THSD7A: variants seen among roughly 807,000 people sequenced by gnomAD.
The protein encoded by THSD7A is thrombospondin type 1 domain containing 7A.
THSD7A carries 96 observed loss-of-function variants against 231.3 expected under a neutral mutation model. That is an observed-to-expected ratio of 0.41 (90% confidence interval 0.35 to 0.49). The LOEUF (loss-of-function observed/expected upper bound fraction) is 0.49. THSD7A is among the 20% of genes least tolerant of loss of function. The pLI, the probability that THSD7A is intolerant of heterozygous loss-of-function variation, is 0.05. For missense variants in THSD7A, 2,290 were observed against 2,070.2 expected, an observed-to-expected ratio of 1.11 and a Z score of -2.06; for synonymous variants, 940 against 743.3, an observed-to-expected ratio of 1.26 and a Z score of -4.30.
At chr7:11,452,653 C>T (rs1785182330) in intron 11 of THSD7A, among the ~76,000 whole-genome samples, 1 of 151,950 alleles carries the variant, frequency 6.6e-6, no homozygotes, top group African/African-American at 2.4e-5. Context: ...TTAACTGCAT[C>T]AGAACACATG....
At chr7:11,565,547 G>A (rs757374014) in intron 4 of THSD7A, among the ~76,000 whole-genome samples, 5 of 152,188 alleles carry the variant, frequency 3.3e-5, no homozygotes, top group Non-Finnish European at 5.9e-5. Flanking sequence ...GAAGATGATA[G>A]TGGAAGTGAA....
At chr7:11,547,810 A>C (rs1044542888) in intron 4 of THSD7A, among the ~76,000 whole-genome samples, 1 of 152,214 alleles carries the variant, frequency 6.6e-6, no homozygotes, top group Non-Finnish European at 1.5e-5. Context: ...ATTCTTTGAA[A>C]TTAATGAAAA....
chr7:11,753,544 T>TTCTCTCTCTCTC, intron 1 of THSD7A, among the ~76,000 whole-genome samples: 2 of 141,826 alleles, frequency 1.4e-5, no homozygotes, highest in East Asian at 2.2e-4. Context: ...ATGCAGCCCT[T>TTCTCTCTCTCTC]TCTCTCTCTC....
chr7:11,406,765 A>G lies in THSD7A; in HGVS notation c.4062+145T>C. ...ATCAAAACTAATTAAATGGTTATAAAATGGCAAGTACATACAAATTTTAAG... is the reference window on the plus strand; with the variant it reads ...ATCAAAACTAATTAAATGGTTATAAGATGGCAAGTACATACAAATTTTAAG... On this transcript the variant is annotated intron_variant, in intron 21 of 27. Coordinates refer to ENST00000423059, the MANE Select transcript of THSD7A (RefSeq NM_015204.3). The surrounding 1 kb of genome is among the most constrained non-coding windows in gnomAD (Gnocchi z 4.7). 9.7e-7 allele frequency: 1 copy of G among 1,030,880 alleles called. No individual in the cohort carries two copies. The highest frequency in any genetic ancestry group is 1.4e-6 in the Non-Finnish European group (1 of 730,822). 63.9% of individuals were successfully genotyped at this position (1,030,880 alleles called of 1,614,324 possible).
In THSD7A at chr7:11,546,774, A is replaced by T. The variant is rs1286145940; in HGVS notation, c.1454-3657T>A. Among the ~76,000 whole-genome samples the T allele has an allele frequency of 1.3e-5, 2 of 152,226 alleles. 1 individual carries two copies. The highest frequency in any genetic ancestry group is 3.9e-4 in the East Asian group (2 of 5,192). On this transcript the variant is annotated intron_variant, in intron 4 of 27. Coordinates refer to ENST00000423059, the MANE Select transcript of THSD7A (RefSeq NM_015204.3). The stretch of plus-strand genomic sequence containing the variant: ...CAGAGTCTGGATGGCAATGAAGATC[A>T]CTGAGATTCAGGAGAAAGTTGAAAC...
At chr7:11,658,869 G>C (rs2128372235) in intron 1 of THSD7A, among the ~76,000 whole-genome samples, 1 of 151,808 alleles carries the variant, frequency 6.6e-6, no homozygotes, top group African/African-American at 2.4e-5. Context: ...GCACATGTAA[G>C]ATGTACTGTA....
intron 1 of THSD7A, among the ~76,000 whole-genome samples, chr7:11,707,509 T>C (rs1780808044): frequency 6.6e-6 from 1 of 151,000 alleles, no homozygotes. Flanking sequence ...AGCTGACTTT[T>C]GTTTTGCCAT....
chr7:11,612,288 T>A (rs953187387), intron 2 of THSD7A, among the ~76,000 whole-genome samples: 1 of 152,142 alleles, frequency 6.6e-6, no homozygotes, highest in African/African-American at 2.4e-5. Flanking sequence ...ACCACCAAAG[T>A]AATCATCCCA....
chr7:11,669,755 C>A (rs1267205490), intron 1 of THSD7A, among the ~76,000 whole-genome samples: 2 of 151,958 alleles, frequency 1.3e-5, no homozygotes, highest in South Asian at 2.1e-4. Context: ...TGCAATATTT[C>A]TAAATTTATT....
chr7:11,453,078 A>G (rs1048108123), intron 11 of THSD7A, among the ~76,000 whole-genome samples: 2 of 151,924 alleles, frequency 1.3e-5, no homozygotes, highest in Non-Finnish European at 2.9e-5. Flanking sequence ...CTGCCAGGAT[A>G]AATTGGCCCA....
intron 1 of THSD7A, among the ~76,000 whole-genome samples, chr7:11,672,858 C>G (rs147323127): frequency 6.6e-6 from 1 of 152,008 alleles, no homozygotes; most frequent in Admixed American, 6.6e-5. Context: ...AAAACAGACA[C>G]GTTTGACAAT....
intron 1 of THSD7A, among the ~76,000 whole-genome samples, chr7:11,661,186 G>C (rs1782916726): frequency 6.6e-6 from 1 of 151,372 alleles, no homozygotes; most frequent in Non-Finnish European, 1.5e-5. Context: ...CTTTAATAAA[G>C]ACTAAAATTC....
chr7:11,548,131 A>G (rs778540411), intron 4 of THSD7A, among the ~76,000 whole-genome samples: 10 of 152,162 alleles, frequency 6.6e-5, no homozygotes, highest in Non-Finnish European at 1.0e-4. Context: ...ATAAAGAAAA[A>G]AGAGAGAAGA....
Position 11,831,635 on chromosome 7 carries a change from T to A in THSD7A, c.190+122A>T. On this transcript the variant is annotated intron_variant, in intron 1 of 27. Coordinates refer to ENST00000423059, the MANE Select transcript of THSD7A (RefSeq NM_015204.3). This position sits in a 1 kb window ranked among gnomAD's most constrained non-coding sequence, Gnocchi z 5.0. Reference sequence around the variant, plus strand: ...TTGCTTCCTAAGAAATCATACTTTTTACCTTAGGATACCAGCATAACCAAG... The same window carrying A: ...TTGCTTCCTAAGAAATCATACTTTTAACCTTAGGATACCAGCATAACCAAG... The A allele has an allele frequency of 1.7e-6, 1 of 587,702 alleles. No homozygotes were observed. The highest frequency in any genetic ancestry group is 1.9e-5 in the African/African-American group (1 of 51,340). The allele number at this position is 587,702 out of a possible 1,614,324, so 36.4% of individuals were successfully genotyped here. A position where few individuals can be genotyped will look rare whatever the true frequency, so the allele number is the denominator to read the frequency against.
chr7:11,447,188 T>C (rs1562616532), intron 12 of THSD7A, 42 bp downstream of exon 12: 1 of 1,584,980 alleles, frequency 6.3e-7, no homozygotes, highest in Admixed American at 1.7e-5. Flanking sequence ...TATGTTCCTC[T>C]ACTTTGACGT....
Position 11,780,797 on chromosome 7 carries a change from A to T in THSD7A, c.190+50960T>A, listed in dbSNP as rs538543164. ...CCAATACAATGAGAGCTTTAATTTT[A>T]TAGGGAGCAAGGTGAAACCCCGTCT... On this transcript the variant is annotated intron_variant, in intron 1 of 27. Transcript: ENST00000423059. Among the ~76,000 whole-genome samples, 4 of 152,114 alleles carry T rather than the reference A, an allele frequency of 2.6e-5. No individual in the cohort carries two copies. In the South Asian group the frequency reaches 6.2e-4, roughly 24 times the overall value.
At chr7:11,579,479 G>T (rs559609760) in intron 4 of THSD7A, among the ~76,000 whole-genome samples, 1 of 152,244 alleles carries the variant, frequency 6.6e-6, no homozygotes, top group East Asian at 1.9e-4. Flanking sequence ...AGTGCTTAAG[G>T]GTTACAAAAA....
chr7:11,678,348 G>T (rs1246986420), intron 1 of THSD7A, among the ~76,000 whole-genome samples: 9 of 152,080 alleles, frequency 5.9e-5, no homozygotes, highest in African/African-American at 2.2e-4. Flanking sequence ...TAAGATCAGA[G>T]CAGAACTGAA....
chr7:11,604,111 T>C (rs983950312), intron 2 of THSD7A, among the ~76,000 whole-genome samples: 1 of 152,170 alleles, frequency 6.6e-6, no homozygotes, highest in Non-Finnish European at 1.5e-5. Flanking sequence ...GTGCTTACTA[T>C]GTGCCAGACA....
Sources: allele counts gnomAD v4.1 joint callset (sites outside exome capture counted in the v4.1 genomes callset), GRCh38; gene constraint gnomAD v4.1.1; non-coding constraint Gnocchi (gnomAD v3.1); transcripts MANE v1.5; gene names NCBI Gene and HGNC (gene_info 2026-07-23, HGNC 2026-07-21).